DNA2: variants seen among roughly 807,000 people sequenced by gnomAD.
DNA2 encodes DNA replication ATP-dependent helicase/nuclease DNA2.
In DNA2, 101 loss-of-function variants were observed where a neutral mutation model predicts 119.1. The observed-to-expected ratio is 0.85, with a 90% confidence interval of 0.72 to 1.00. The LOEUF (loss-of-function observed/expected upper bound fraction) is 1.00, where lower values mean the gene tolerates loss of function less well. Ranked by LOEUF, DNA2 falls within the 50% of genes least tolerant of loss-of-function variation. DNA2 has a pLI of 0.00. For synonymous variants in DNA2, 366 were observed against 424.4 expected, an observed-to-expected ratio of 0.86 and a Z score of 1.69; for missense variants, 1,121 against 1,255.5, an observed-to-expected ratio of 0.89 and a Z score of 1.62.
chr10:68,459,736 T>C (rs998167395), intron 4 of DNA2, among the ~76,000 whole-genome samples: 2 of 152,102 alleles, frequency 1.3e-5, no homozygotes, highest in African/African-American at 4.8e-5. Context: ...CCCTTAAAAA[T>C]GGCTAACATG....
intron 14 of DNA2, among the ~76,000 whole-genome samples, chr10:68,427,650 A>AACAC (rs151180015): frequency 0.018 from 2,467 of 140,204 alleles, 56 homozygotes; most frequent in African/African-American, 0.052. Flanking sequence ...CCTTGTCTCA[A>AACAC]ACACACACAC....
intron 14 of DNA2, among the ~76,000 whole-genome samples, chr10:68,428,902 C>T (rs1411002670): frequency 6.6e-6 from 1 of 152,084 alleles, no homozygotes; most frequent in Non-Finnish European, 1.5e-5. Flanking sequence ...ATGTCAACAT[C>T]CTGGGTGTGA....
intron 6 of DNA2, 49 bp downstream of exon 6, chr10:68,449,973 CAAAAAA>C (rs57883442): frequency 3.5e-5 from 34 of 975,866 alleles, no homozygotes; most frequent in African/African-American, 4.8e-5. Flanking sequence ...GACTCTGTCT[CAAAAAA>C]AAAAAAAAAA....
chr10:68,433,061 G>C (rs183493107), intron 10 of DNA2, among the ~76,000 whole-genome samples: 1 of 152,072 alleles, frequency 6.6e-6, no homozygotes, highest in Non-Finnish European at 1.5e-5. Context: ...CTTTGGGTTT[G>C]GATATTTAGT....
intron 14 of DNA2, among the ~76,000 whole-genome samples, chr10:68,424,282 T>A (rs772101322): frequency 6.6e-6 from 1 of 152,146 alleles, no homozygotes; most frequent in Non-Finnish European, 1.5e-5. Context: ...GGTGGGCAGA[T>A]TGCTGGAGCT....
Position 68,471,910 on chromosome 10 carries a change from C to G in DNA2, c.-46G>C. On this transcript the variant is annotated 5_prime_UTR_variant, in exon 1 of 21. Coordinates refer to ENST00000358410, the MANE Select transcript of DNA2 (RefSeq NM_001080449.3). ...ACTGTAGACAGAAAAGACAGCGGAACCGGGGGTAACACAGAAAGCTTAGAA... is the reference window on the plus strand; with the variant it reads ...ACTGTAGACAGAAAAGACAGCGGAAGCGGGGGTAACACAGAAAGCTTAGAA... 1 of 1,613,850 alleles carries G rather than the reference C, an allele frequency of 6.2e-7. No individual in the cohort carries two copies.
Position 68,453,643 on chromosome 10 carries a change from T to C in DNA2, c.720-3396A>G, listed in dbSNP as rs571321433. Among the ~76,000 whole-genome samples, 12 of 152,318 alleles carry C rather than the reference T, an allele frequency of 7.9e-5. No homozygotes were observed. The South Asian group carries it at 2.1e-3, about 26-fold the overall frequency. On this transcript the variant is annotated intron_variant, in intron 5 of 20. Transcript: ENST00000358410. ...TAGCTATTGTGGTAATACAACACAC[T>C]ACCTTTTCTATATTTCAATATGTTT...
intron 10 of DNA2, among the ~76,000 whole-genome samples, chr10:68,432,964 G>A (rs1468025374): frequency 1.3e-5 from 2 of 151,926 alleles, no homozygotes; most frequent in Non-Finnish European, 1.5e-5. Context: ...TTGCTCCAGG[G>A]TCCCAGGCCC....
In DNA2 at chr10:68,419,026, T is replaced by C. The variant is rs377381464; in HGVS notation, c.2967+8A>G. ...CAAATGAATCAGTAGCAAACACAAT[T>C]AACTCACAGTTCCATCCTTATTACT... is the stretch of plus-strand genomic sequence containing the variant. On this transcript the variant is annotated splice_region_variant and intron_variant, in intron 19 of 20. Coordinates refer to ENST00000358410, the MANE Select transcript of DNA2 (RefSeq NM_001080449.3). 6.3e-7 allele frequency: 1 copy of C among 1,579,260 alleles called. No individual in the cohort carries two copies. Among genetic ancestry groups the C allele is most frequent in the African/African-American group, 1.4e-5 (1 of 73,052 alleles).
intron 20 of DNA2, among the ~76,000 whole-genome samples, chr10:68,415,656 GT>G (rs879903131): frequency 6.6e-6 from 1 of 151,550 alleles, no homozygotes; most frequent in Non-Finnish European, 1.5e-5. Flanking sequence ...TTCATACACT[GT>G]TTTTTTTGTT....
intron 5 of DNA2, among the ~76,000 whole-genome samples, chr10:68,458,828 C>T (rs113625215): frequency 1.2e-4 from 18 of 151,508 alleles, no homozygotes; most frequent in East Asian, 5.8e-4. Flanking sequence ...CCAGCCTGTG[C>T]GACAGAGCAA....
chr10:68,470,367 T>C lies in DNA2; in HGVS notation c.75-204A>G, dbSNP rs186133798. 1.2e-5 allele frequency: 6 copies of C among 517,030 alleles called. No homozygotes were observed. The East Asian group carries it at 1.6e-4, about 14-fold the overall frequency. The allele number at this position is 517,030 out of a possible 1,614,324, so 32.0% of individuals were successfully genotyped here. Reference sequence around the variant, plus strand: ...TATTATAAAAACTTCCCAGAAGTAATGCCATTTCAAACATGCTCATGATAT... The same window carrying C: ...TATTATAAAAACTTCCCAGAAGTAACGCCATTTCAAACATGCTCATGATAT... On this transcript the variant is annotated intron_variant, in intron 1 of 20. Transcript: ENST00000358410.
chr10:68,432,010 G>T, intron 12 of DNA2, 39 bp from the exon 13 acceptor site: 1 of 1,459,668 alleles, frequency 6.9e-7, no homozygotes, highest in South Asian at 1.2e-5. Flanking sequence ...AAAGAGTGTT[G>T]AATTTCAAAG....
At chr10:68,442,289 G>A (rs1212662922) in intron 9 of DNA2, among the ~76,000 whole-genome samples, 1 of 151,894 alleles carries the variant, frequency 6.6e-6, no homozygotes, top group Admixed American at 6.6e-5. Context: ...TGCGATGTTG[G>A]CTTACTGTAA....
rs370075090 is a variant in DNA2 at position 68,465,716 on chromosome 10, G to C, written c.538C>G (p.Gln180Glu). Residue 180 changes from glutamine to glutamate, a missense_variant, in exon 4 of 21, where the codon CAA (glutamine) becomes GAA (glutamate). By Grantham distance (29) the Gln-to-Glu change is conservative. Transcript: ENST00000358410. ...TGAATTGTTTGAAAAGCAAGTTCTT[G>C]TAGCTTTTCTGGGGCAAAGCTATTA... ...INNSFAPEKL[Q>E]ELAFQTIQEI... The C allele has an allele frequency of 1.2e-6, 2 of 1,607,906 alleles. No homozygotes were observed. The highest frequency in any genetic ancestry group is 4.5e-5 in the East Asian group (2 of 44,740).
At chr10:68,460,515 C>G (rs972380120) in intron 4 of DNA2, among the ~76,000 whole-genome samples, 5 of 151,762 alleles carry the variant, frequency 3.3e-5, no homozygotes, top group Non-Finnish European at 5.9e-5. Context: ...TCAAATGATG[C>G]TCCTGCCTCA....
At chr10:68,430,803 T>TA (rs1175296190) in intron 13 of DNA2, 143 bp from the exon 14 acceptor site, 21 of 646,730 alleles carry the variant, frequency 3.2e-5, no homozygotes, top group South Asian at 3.1e-4. Flanking sequence ...TTACAAAAAT[T>TA]ACATGACATT....
At chr10:68,465,583 A>G (rs2052317254) in intron 4 of DNA2, 84 bp downstream of exon 4, 1 of 997,640 alleles carries the variant, frequency 1.0e-6, no homozygotes. Flanking sequence ...TTTATATTGG[A>G]TAGTCTACAC....
Position 68,444,997 on chromosome 10 carries a change from A to C in DNA2, c.1144T>G (p.Ser382Ala), listed in dbSNP as rs890335637. The C allele has an allele frequency of 1.2e-6, 2 of 1,613,542 alleles. No individual in the cohort carries two copies. The highest frequency in any genetic ancestry group is 1.1e-5 in the South Asian group (1 of 91,066). ...TCTTCCTCAATTATTTGTGGCAAAG[A>C]AGCAAGCTGTGTCTTCTGTCTAGTA... ...SATRQKTQLA[S>A]LPQIIEEEKT... Residue 382 changes from serine to alanine, a missense_variant, in exon 8 of 21, where the codon TCT becomes GCT. By Grantham distance (99) the Ser-to-Ala change is moderately conservative. Transcript: ENST00000358410.
Sources: gnomAD v4.1 joint callset for allele counts (sites outside exome capture counted in the v4.1 genomes callset) on GRCh38, gnomAD v4.1.1 for gene constraint, MANE v1.5 for transcripts, NCBI Gene and HGNC (gene_info 2026-07-23, HGNC 2026-07-21) for gene names.